Variants in PTPRD observed in about 807,000 individuals in gnomAD.
The protein encoded by PTPRD is receptor-type tyrosine-protein phosphatase delta.
Under a neutral mutation model 214.5 loss-of-function variants are expected in PTPRD, and 34 were observed. The ratio of observed to expected loss-of-function variants is 0.16; its 90% CI spans 0.12 to 0.21. The LOEUF is 0.21. Ranked by LOEUF, PTPRD falls within the 10% of genes least tolerant of loss-of-function variation. PTPRD has a pLI of 1.00. For missense variants in PTPRD, 2,545 were observed against 2,398.7 expected, an observed-to-expected ratio of 1.06 and a Z score of -1.27; for synonymous variants, 1,128 against 845.7, an observed-to-expected ratio of 1.33 and a Z score of -5.79.
intron 3 of PTPRD, among the ~76,000 whole-genome samples, chr9:10,190,540 A>C (rs1157537956): frequency 1.3e-5 from 2 of 151,636 alleles, no homozygotes; most frequent in Non-Finnish European, 2.9e-5. Context: ...CAACATGGCG[A>C]AACCCCATCT....
At chr9:9,487,500 G>A (rs2095701017) in intron 8 of PTPRD, among the ~76,000 whole-genome samples, 1 of 151,996 alleles carries the variant, frequency 6.6e-6, no homozygotes, top group South Asian at 2.1e-4. Flanking sequence ...TTGCTATTGT[G>A]AATAGTGCCG....
chr9:9,205,161 A>G (rs2099944098), intron 9 of PTPRD, among the ~76,000 whole-genome samples: 1 of 152,226 alleles, frequency 6.6e-6, no homozygotes, highest in Non-Finnish European at 1.5e-5. Context: ...TGGAATTTGA[A>G]TCTTTTCTTA....
intron 3 of PTPRD, among the ~76,000 whole-genome samples, chr9:10,154,921 G>C (rs2099084089): frequency 6.6e-6 from 1 of 151,992 alleles, no homozygotes; most frequent in African/African-American, 2.4e-5. Context: ...GATTGTCTTG[G>C]TTATTCAGCC....
intron 4 of PTPRD, among the ~76,000 whole-genome samples, chr9:10,014,661 G>T (rs551118395): frequency 6.6e-6 from 1 of 152,076 alleles, no homozygotes; most frequent in South Asian, 2.1e-4. Flanking sequence ...TTACAGATGA[G>T]AAATGAAACG....
intron 11 of PTPRD, among the ~76,000 whole-genome samples, chr9:8,806,217 C>A (rs1325924566): frequency 6.8e-6 from 1 of 147,052 alleles, no homozygotes; most frequent in African/African-American, 2.5e-5. Flanking sequence ...GGAGATACTG[C>A]GCCTGGCCAG....
At chr9:9,862,385 T>C (rs771337364) in intron 5 of PTPRD, among the ~76,000 whole-genome samples, 5 of 152,216 alleles carry the variant, frequency 3.3e-5, no homozygotes, top group Non-Finnish European at 5.9e-5. Context: ...CTGCTGTAAC[T>C]AACTGCCGTA....
At chr9:9,415,725 G>A (rs1208936075) in intron 8 of PTPRD, among the ~76,000 whole-genome samples, 4 of 152,152 alleles carry the variant, frequency 2.6e-5, no homozygotes, top group African/African-American at 7.2e-5. Context: ...AAGTACTCAA[G>A]TAGTTCTCAA....
chr9:8,506,742 C>A (rs2097550006), intron 22 of PTPRD, among the ~76,000 whole-genome samples: 1 of 152,186 alleles, frequency 6.6e-6, no homozygotes, highest in Non-Finnish European at 1.5e-5. Context: ...TGACGATCAA[C>A]AATTGCCATG....
At chr9:10,052,160 T>C (rs1025177093) in intron 3 of PTPRD, among the ~76,000 whole-genome samples, 1 of 152,126 alleles carries the variant, frequency 6.6e-6, no homozygotes, top group Non-Finnish European at 1.5e-5. Context: ...CCCAGGCTGA[T>C]CACAAACTGT....
At chr9:8,644,134 C>T (rs533437759) in intron 12 of PTPRD, among the ~76,000 whole-genome samples, 2 of 152,204 alleles carry the variant, frequency 1.3e-5, no homozygotes, top group Non-Finnish European at 2.9e-5. Context: ...GTTAGCTGAA[C>T]ACCTGCTGGG....
chr9:10,386,457 G>A (rs1346193505), intron 2 of PTPRD, among the ~76,000 whole-genome samples: 1 of 151,760 alleles, frequency 6.6e-6, no homozygotes, highest in Non-Finnish European at 1.5e-5. Flanking sequence ...GGAGATAAAG[G>A]GCATTGCATT....
At chr9:10,490,830 T>G (rs1399320382) in intron 2 of PTPRD, among the ~76,000 whole-genome samples, 2 of 152,202 alleles carry the variant, frequency 1.3e-5, no homozygotes, top group African/African-American at 2.4e-5. Flanking sequence ...ATATGTCATT[T>G]AGCATATTTT....
intron 11 of PTPRD, among the ~76,000 whole-genome samples, chr9:8,888,149 C>T (rs549022412): frequency 2.6e-5 from 4 of 152,098 alleles, no homozygotes; most frequent in African/African-American, 9.7e-5. Flanking sequence ...CCATGACATA[C>T]ACAAAATGAC....
At chr9:9,286,478 C>T (rs755940733) in intron 9 of PTPRD, among the ~76,000 whole-genome samples, 6 of 151,732 alleles carry the variant, frequency 4.0e-5, no homozygotes, top group African/African-American at 4.8e-5. Context: ...TTGTAATTAT[C>T]GCAGAACTCA....
chr9:9,449,116 C>A (rs2091383870), intron 8 of PTPRD, among the ~76,000 whole-genome samples: 1 of 152,062 alleles, frequency 6.6e-6, no homozygotes, highest in South Asian at 2.1e-4. Flanking sequence ...CTGGCAATAA[C>A]TGTCTCTTCT....
intron 8 of PTPRD, among the ~76,000 whole-genome samples, chr9:9,405,847 G>T (rs1428916914): frequency 6.6e-6 from 1 of 151,912 alleles, no homozygotes. Context: ...AATGTGTATT[G>T]ATGTTTGTCC....
intron 7 of PTPRD, among the ~76,000 whole-genome samples, chr9:9,604,225 C>G (rs763853729): frequency 1.3e-5 from 2 of 151,986 alleles, no homozygotes; most frequent in Non-Finnish European, 2.9e-5. Flanking sequence ...GAAAACACAT[C>G]CTGTAGAAAT....
intron 4 of PTPRD, among the ~76,000 whole-genome samples, chr9:10,017,597 A>G (rs566521072): frequency 9.2e-5 from 14 of 152,224 alleles, no homozygotes; most frequent in African/African-American, 3.4e-4. Flanking sequence ...ATTTAGACTG[A>G]ATGGTGTGAA....
At chr9:9,092,050 A>G (rs1365547183) in intron 10 of PTPRD, among the ~76,000 whole-genome samples, 2 of 152,194 alleles carry the variant, frequency 1.3e-5, no homozygotes, top group Non-Finnish European at 2.9e-5. Flanking sequence ...ACTTTAGAAG[A>G]TTCACTCTTA....
Sources: allele counts gnomAD v4.1 joint callset (sites outside exome capture counted in the v4.1 genomes callset), GRCh38; gene constraint gnomAD v4.1.1; transcripts MANE v1.5; gene names NCBI Gene and HGNC (gene_info 2026-07-23, HGNC 2026-07-21).